The following HSD17B12 variants were observed in gnomAD, a reference collection of about 807,000 sequenced individuals.
The protein encoded by HSD17B12 is very-long-chain 3-oxoacyl-CoA reductase.
HSD17B12 carries 32 observed loss-of-function variants against 39.3 expected under a neutral mutation model. The observed-to-expected ratio is 0.81, with a 90% CI of 0.61 to 1.09. HSD17B12 has a LOEUF of 1.09. Ranked by LOEUF, HSD17B12 falls within the 50% of genes least tolerant of loss-of-function variation. The pLI is 0.00. For missense variants in HSD17B12, 342 were observed against 382.9 expected, an observed-to-expected ratio of 0.89 and a Z score of 0.89; for synonymous variants, 150 against 146.7, an observed-to-expected ratio of 1.02 and a Z score of -0.16.
At chr11:43,839,940 C>A in intron 8 of HSD17B12, 59 bp from the exon 9 acceptor site, 1 of 1,326,346 alleles carries the variant, frequency 7.5e-7, no homozygotes, top group Non-Finnish European at 1.1e-6. Flanking sequence ...TCCATGGCTA[C>A]AAATCAGGCA....
Position 43,842,216 on chromosome 11 carries a change from A to T in HSD17B12, c.684+2152A>T, listed in dbSNP as rs566638711. ...TCCTCCTTTATGCCTGTAGAGCATC[A>T]AGATGGGTGTAAATGTCATGTAGAT... On this transcript the variant is annotated intron_variant, in intron 9 of 10. Transcript: ENST00000278353. Among the ~76,000 whole-genome samples the T allele has an allele frequency of 2.6e-5, 4 of 152,314 alleles. No homozygotes were observed. In the East Asian group the frequency reaches 7.7e-4, roughly 29 times the overall value.
intron 9 of HSD17B12, among the ~76,000 whole-genome samples, chr11:43,847,400 T>C (rs1452923671): frequency 2.0e-5 from 3 of 152,194 alleles, no homozygotes; most frequent in Admixed American, 1.3e-4. Context: ...TTTGAACTTA[T>C]TGTCCTGAAG....
chr11:43,750,981 C>A, intron 2 of HSD17B12, 24 bp downstream of exon 2: 3 of 1,503,738 alleles, frequency 2.0e-6, no homozygotes, highest in Non-Finnish European at 2.7e-6. Flanking sequence ...AAGATCTTTC[C>A]TTTTAATATA....
At chr11:43,560,407 AG>A in the HSD17B12 span, among the ~76,000 whole-genome samples, 3 of 152,220 alleles carry the variant, frequency 2.0e-5, no homozygotes, top group Non-Finnish European at 2.9e-5. Context: ...TGGCAAATAC[AG>A]GGAAGGAACA....
the HSD17B12 span, chr11:43,570,131 C>G: frequency 6.6e-6 from 1 of 152,592 alleles, no homozygotes; most frequent in Non-Finnish European, 1.5e-5. Context: ...AATGAAGTTA[C>G]AAGACACTTT....
intron 9 of HSD17B12, among the ~76,000 whole-genome samples, chr11:43,850,869 C>T (rs2135147473): frequency 6.6e-6 from 1 of 152,318 alleles, no homozygotes; most frequent in African/African-American, 2.4e-5. Flanking sequence ...CGAGACCAGC[C>T]TGGCCAACAT....
intron 1 of HSD17B12, among the ~76,000 whole-genome samples, chr11:43,731,975 G>A (rs1950271740): frequency 6.6e-6 from 1 of 152,152 alleles, no homozygotes; most frequent in African/African-American, 2.4e-5. Context: ...AGACTGGCCA[G>A]AACCACTCTA....
chr11:43,614,602 G>A, the HSD17B12 span, among the ~76,000 whole-genome samples: 1 of 152,080 alleles, frequency 6.6e-6, no homozygotes, highest in Non-Finnish European at 1.5e-5. Flanking sequence ...GGGGGAAATG[G>A]TCATTTGGTC....
the HSD17B12 span, among the ~76,000 whole-genome samples, chr11:43,565,749 C>T: frequency 6.6e-6 from 1 of 152,146 alleles, no homozygotes; most frequent in Non-Finnish European, 1.5e-5. Context: ...TGCGTGGCTT[C>T]GCAAGGTATC....
At chr11:43,766,729 A>G (rs1287309024) in intron 3 of HSD17B12, among the ~76,000 whole-genome samples, 1 of 152,218 alleles carries the variant, frequency 6.6e-6, no homozygotes, top group East Asian at 1.9e-4. Context: ...CTGAAGAACT[A>G]CTGTGAAACT....
At chr11:43,569,230 A>G in the HSD17B12 span, 1 of 151,952 alleles carries the variant, frequency 6.6e-6, no homozygotes, top group Non-Finnish European at 1.5e-5. Flanking sequence ...TCAGCTCCCC[A>G]CTCCTGACTT....
chr11:43,595,523 G>C, the HSD17B12 span, among the ~76,000 whole-genome samples: 1 of 152,218 alleles, frequency 6.6e-6, no homozygotes, highest in Non-Finnish European at 1.5e-5. Context: ...CGACTAGTCA[G>C]TGTTAGATGT....
At chr11:43,606,737 G>A in the HSD17B12 span, among the ~76,000 whole-genome samples, 2 of 152,176 alleles carry the variant, frequency 1.3e-5, no homozygotes, top group Non-Finnish European at 2.9e-5. Context: ...TAAGCAAATT[G>A]GGATAGGCAG....
intron 3 of HSD17B12, among the ~76,000 whole-genome samples, chr11:43,756,619 A>G (rs1278907278): frequency 6.6e-6 from 1 of 152,208 alleles, no homozygotes; most frequent in Non-Finnish European, 1.5e-5. Flanking sequence ...AAATAAAGGT[A>G]CATAGGCAGA....
intron 4 of HSD17B12, among the ~76,000 whole-genome samples, chr11:43,813,606 A>G (rs530701637): frequency 1.3e-5 from 2 of 152,314 alleles, no homozygotes; most frequent in African/African-American, 4.8e-5. Context: ...ATTCTAAATT[A>G]TTCATCCTTT....
At chr11:43,787,104 G>T (rs2135022553) in intron 3 of HSD17B12, among the ~76,000 whole-genome samples, 1 of 152,096 alleles carries the variant, frequency 6.6e-6, no homozygotes, top group South Asian at 2.1e-4. Flanking sequence ...ACCATGTCAG[G>T]CTAATTTTTG....
chr11:43,646,817 C>A, the HSD17B12 span, among the ~76,000 whole-genome samples: 1 of 152,140 alleles, frequency 6.6e-6, no homozygotes. Flanking sequence ...CACTCCAATT[C>A]TGATGCTGGT....
chr11:43,620,532 G>T, the HSD17B12 span, among the ~76,000 whole-genome samples: 1 of 152,314 alleles, frequency 6.6e-6, no homozygotes. Flanking sequence ...GAAATCACTT[G>T]AGAAAAGAGA....
intron 6 of HSD17B12, among the ~76,000 whole-genome samples, chr11:43,827,328 A>T (rs1344300517): frequency 6.6e-6 from 1 of 150,880 alleles, no homozygotes; most frequent in African/African-American, 2.5e-5. Flanking sequence ...TGTTCTCTCT[A>T]AAAAATGACC....
Sources: allele counts gnomAD v4.1 joint callset (sites outside exome capture counted in the v4.1 genomes callset), GRCh38; gene constraint gnomAD v4.1.1; transcripts MANE v1.5; gene names NCBI Gene and HGNC (gene_info 2026-07-23, HGNC 2026-07-21).